Variants in MAPK10 observed in about 807,000 individuals in gnomAD.
MAPK10 encodes mitogen-activated protein kinase 10, also known as JNK3 alpha protein kinase.
In MAPK10, 25 loss-of-function variants were observed where a neutral mutation model predicts 59.3. The ratio of observed to expected loss-of-function variants is 0.42; its 90% CI spans 0.31 to 0.59. The LOEUF is 0.59. Among genes scored for constraint, MAPK10 ranks in the 20% least tolerant of loss-of-function variants. The pLI is 0.15. For missense variants in MAPK10, 351 were observed against 568.9 expected (o/e 0.62, Z 3.90); for synonymous variants, 190 against 200.5 (o/e 0.95, Z 0.44).
chr4:86,419,796 C>T (rs1298438194), intron 1 of MAPK10, among the ~76,000 whole-genome samples: 1 of 152,016 alleles, frequency 6.6e-6, no homozygotes, highest in Non-Finnish European at 1.5e-5. Flanking sequence ...TTCAGTGGCA[C>T]CAGCTAATAT....
At chr4:86,121,414 C>T (rs1289358227) in intron 4 of MAPK10, among the ~76,000 whole-genome samples, 4 of 152,070 alleles carry the variant, frequency 2.6e-5, no homozygotes, top group Non-Finnish European at 5.9e-5. Context: ...AATCACCTCC[C>T]TAAGATGCCA....
intron 3 of MAPK10, among the ~76,000 whole-genome samples, chr4:86,187,178 A>C (rs1055449665): frequency 5.3e-5 from 8 of 152,216 alleles, no homozygotes; most frequent in Admixed American, 3.9e-4. Flanking sequence ...CTGAAACCAC[A>C]GATAGCACTG....
At chr4:86,104,234 T>A (rs2056122041) in intron 5 of MAPK10, among the ~76,000 whole-genome samples, 1 of 152,140 alleles carries the variant, frequency 6.6e-6, no homozygotes, top group African/African-American at 2.4e-5. Context: ...CACGTAGTTT[T>A]AACTGATTGA....
At chr4:86,483,875 A>G (rs1394670616) in intron 1 of MAPK10, among the ~76,000 whole-genome samples, 1 of 152,254 alleles carries the variant, frequency 6.6e-6, no homozygotes, top group Non-Finnish European at 1.5e-5. Flanking sequence ...AGGGCTTTAT[A>G]AAAGAAGAGG....
At chr4:86,218,498 A>C (rs2088439760) in intron 2 of MAPK10, among the ~76,000 whole-genome samples, 1 of 148,684 alleles carries the variant, frequency 6.7e-6, no homozygotes, top group Non-Finnish European at 1.5e-5. Flanking sequence ...CAACATTTTA[A>C]ATTTTTGTAA....
At chr4:86,083,352 C>T in intron 9 of MAPK10, among the ~76,000 whole-genome samples, 1 of 152,162 alleles carries the variant, frequency 6.6e-6, no homozygotes, top group East Asian at 1.9e-4. Flanking sequence ...CCTTCCCCAT[C>T]CTCCAGCAAC....
chr4:86,386,369 C>T (rs980727564), intron 1 of MAPK10, among the ~76,000 whole-genome samples: 4 of 152,154 alleles, frequency 2.6e-5, no homozygotes, highest in African/African-American at 7.2e-5. Context: ...TGCCTGCCCA[C>T]AGCAGGAAGT....
At chr4:86,423,795 A>G (rs1465423253) in intron 1 of MAPK10, among the ~76,000 whole-genome samples, 1 of 146,190 alleles carries the variant, frequency 6.8e-6, no homozygotes, top group Non-Finnish European at 1.5e-5. Flanking sequence ...ATATATATAT[A>G]TGTTTAGGAG....
intron 2 of MAPK10, among the ~76,000 whole-genome samples, chr4:86,197,715 T>C (rs2081667224): frequency 6.6e-6 from 1 of 151,930 alleles, no homozygotes; most frequent in African/African-American, 2.4e-5. Context: ...CAAGGAAAAA[T>C]GTTTTGCATT....
chr4:86,159,146 C>A, intron 4 of MAPK10, 152 bp downstream of exon 4: 1 of 514,480 alleles, frequency 1.9e-6, no homozygotes, highest in East Asian at 3.2e-5. Flanking sequence ...AAACATAATG[C>A]TCATAATGTT....
intron 1 of MAPK10, among the ~76,000 whole-genome samples, chr4:86,517,544 G>A (rs1259210856): frequency 6.6e-6 from 1 of 151,954 alleles, no homozygotes; most frequent in East Asian, 1.9e-4. Flanking sequence ...CAAAGTGCTG[G>A]GATTACAGGC....
intron 2 of MAPK10, among the ~76,000 whole-genome samples, chr4:86,200,008 T>C (rs564142962): frequency 1.1e-4 from 16 of 152,074 alleles, no homozygotes; most frequent in African/African-American, 3.4e-4. Context: ...ATAAATTCTC[T>C]ATAGGAAAAA....
chr4:86,140,802 C>G (rs2063482209), intron 4 of MAPK10, among the ~76,000 whole-genome samples: 1 of 152,102 alleles, frequency 6.6e-6, no homozygotes, highest in East Asian at 1.9e-4. Flanking sequence ...CACACGCATG[C>G]ACGCATAACT....
chr4:86,399,698 A>G (rs1407415331), intron 1 of MAPK10: 1 of 152,210 alleles, frequency 6.6e-6, no homozygotes, highest in East Asian at 1.9e-4. Context: ...CTTAACAGGC[A>G]CTGGGAATAC....
At chr4:86,107,520 TAAG>T in intron 4 of MAPK10, 168 bp from the exon 5 acceptor site, 2 of 1,291,984 alleles carry the variant, frequency 1.5e-6, no homozygotes, top group East Asian at 3.1e-5. Flanking sequence ...GTGACTGGCA[TAAG>T]AATATTCTAC....
At chr4:86,545,594 G>A (rs1373608908) in intron 1 of MAPK10, among the ~76,000 whole-genome samples, 1 of 152,188 alleles carries the variant, frequency 6.6e-6, no homozygotes, top group Non-Finnish European at 1.5e-5. Context: ...CAATATACAT[G>A]TGTATTGTAT....
chr4:86,267,538 G>A (rs1040716273), intron 2 of MAPK10, among the ~76,000 whole-genome samples: 5 of 152,040 alleles, frequency 3.3e-5, no homozygotes, highest in African/African-American at 1.2e-4. Context: ...TGTTCACAAT[G>A]GTCTATAACA....
intron 1 of MAPK10, among the ~76,000 whole-genome samples, chr4:86,547,929 C>T (rs1578076391): frequency 6.6e-6 from 1 of 152,294 alleles, no homozygotes; most frequent in Middle Eastern, 3.4e-3. Flanking sequence ...ACGCACCAAT[C>T]AGCGCCCTGT....
intron 2 of MAPK10, among the ~76,000 whole-genome samples, chr4:86,261,080 C>T (rs2093963366): frequency 6.6e-6 from 1 of 152,098 alleles, no homozygotes; most frequent in Non-Finnish European, 1.5e-5. Flanking sequence ...TATGCTAATC[C>T]ATTTTTCATG....
Sources: gnomAD v4.1 joint callset for allele counts (sites outside exome capture counted in the v4.1 genomes callset) on GRCh38, gnomAD v4.1.1 for gene constraint, MANE v1.5 for transcripts, NCBI Gene and HGNC (gene_info 2026-07-23, HGNC 2026-07-21) for gene names.